Variants in PGBD2 observed in about 807,000 individuals in gnomAD.
PGBD2 encodes piggyBac transposable element-derived protein 2.
A neutral mutation model predicts 8.1 loss-of-function variants in PGBD2; 6 were observed. The observed-to-expected ratio is 0.74, with a 90% CI of 0.40 to 1.46. The LOEUF (loss-of-function observed/expected upper bound fraction) is 1.46. Ranked by LOEUF, PGBD2 falls within the 40% of genes most tolerant of loss-of-function variation. The pLI is 0.02. For missense variants in PGBD2, 802 were observed against 739.0 expected, an observed-to-expected ratio of 1.09 and a Z score of -0.99; for synonymous variants, 318 against 272.2, an observed-to-expected ratio of 1.17 and a Z score of -1.66.
chr1:248,899,613 G>T, the PGBD2 span, among the ~76,000 whole-genome samples: 1 of 151,966 alleles, frequency 6.6e-6, no homozygotes, highest in African/African-American at 2.4e-5. Flanking sequence ...AAAATTTATA[G>T]TACTAAATGC....
At chr1:248,881,294 G>C in the PGBD2 span, among the ~76,000 whole-genome samples, 1 of 152,202 alleles carries the variant, frequency 6.6e-6, no homozygotes, top group African/African-American at 2.4e-5. Context: ...AGCTGGACTT[G>C]TCCAAGTCAT....
At chr1:248,925,589 G>A in the PGBD2 span, among the ~76,000 whole-genome samples, 2 of 137,804 alleles carry the variant, frequency 1.5e-5, no homozygotes, top group African/African-American at 5.8e-5. Context: ...TTTTTTTTTG[G>A]CGAGATTCGT....
At chr1:248,896,940 G>C in the PGBD2 span, among the ~76,000 whole-genome samples, 1 of 152,168 alleles carries the variant, frequency 6.6e-6, no homozygotes, top group Admixed American at 6.5e-5. Context: ...CCATAGATCA[G>C]GATGTAAAAA....
chr1:248,873,655 C>G, the PGBD2 span, among the ~76,000 whole-genome samples: 1 of 152,210 alleles, frequency 6.6e-6, no homozygotes, highest in Non-Finnish European at 1.5e-5. Context: ...GCTTCGATTC[C>G]CGGCCTGGGA....
At chr1:248,914,081 A>G (rs761118613) in intron 2 of PGBD2, among the ~76,000 whole-genome samples, 4 of 152,196 alleles carry the variant, frequency 2.6e-5, no homozygotes, top group Non-Finnish European at 4.4e-5. Flanking sequence ...GGGTGTGGTT[A>G]TGTAGCACTA....
the PGBD2 span, among the ~76,000 whole-genome samples, chr1:248,897,585 A>G: frequency 4.6e-5 from 7 of 152,170 alleles, no homozygotes; most frequent in South Asian, 1.0e-3. Context: ...AGCTGTGCAG[A>G]CCTGGTGGCC....
chr1:248,873,482 GGCAA>G, the PGBD2 span, among the ~76,000 whole-genome samples: 1 of 152,222 alleles, frequency 6.6e-6, no homozygotes, highest in Non-Finnish European at 1.5e-5. Context: ...GTCACTTAGT[GGCAA>G]GCGTTTTTCC....
chr1:248,912,532 C>T (rs1345802941), intron 1 of PGBD2, among the ~76,000 whole-genome samples: 1 of 152,212 alleles, frequency 6.6e-6, no homozygotes, highest in Non-Finnish European at 1.5e-5. Context: ...GTACTCTGCA[C>T]TTAAGTGCTC....
rs1170775276 is a variant in PGBD2 at position 248,913,835 on chromosome 1, A to T, written c.-28A>T. ...TTACAGGTTCTTAGACTCTGTGAGT[A>T]AAGACAGCTTCATCTTCCCAGTTCA... On this transcript the variant is annotated 5_prime_UTR_variant, in exon 2 of 3. Coordinates refer to ENST00000329291, the MANE Select transcript of PGBD2 (RefSeq NM_170725.3). The T allele has an allele frequency of 6.3e-7, 1 of 1,596,644 alleles. No individual in the cohort carries two copies. Among genetic ancestry groups the T allele is most frequent in the Admixed American group, 1.7e-5 (1 of 59,972 alleles).
intron 1 of PGBD2, among the ~76,000 whole-genome samples, chr1:248,913,030 G>A (rs1322144024): frequency 6.6e-6 from 1 of 152,008 alleles, no homozygotes; most frequent in Non-Finnish European, 1.5e-5. Flanking sequence ...TCGAACTCCC[G>A]ACCTCAGGTG....
At chr1:248,890,371 G>T in the PGBD2 span, among the ~76,000 whole-genome samples, 1 of 151,972 alleles carries the variant, frequency 6.6e-6, no homozygotes, top group African/African-American at 2.4e-5. Context: ...ATTCTTACAG[G>T]TACTATTATT....
intron 2 of PGBD2, among the ~76,000 whole-genome samples, chr1:248,915,433 A>T (rs1457408989): frequency 6.6e-6 from 1 of 152,260 alleles, no homozygotes; most frequent in Non-Finnish European, 1.5e-5. Flanking sequence ...ATACTTAATT[A>T]TAAAATAGGC....
downstream of PGBD2, among the ~76,000 whole-genome samples, chr1:248,921,343 T>C (rs1572284679): frequency 6.6e-6 from 1 of 152,334 alleles, no homozygotes; most frequent in East Asian, 1.9e-4. Flanking sequence ...GGGTCCAGTT[T>C]CAGTTTTCTG....
chr1:248,898,647 C>G, the PGBD2 span, among the ~76,000 whole-genome samples: 1 of 152,168 alleles, frequency 6.6e-6, no homozygotes, highest in Non-Finnish European at 1.5e-5. Context: ...CCAGCCACTA[C>G]AAAAACACAC....
the PGBD2 span, among the ~76,000 whole-genome samples, chr1:248,890,310 T>C: frequency 4.5e-4 from 68 of 152,258 alleles, no homozygotes; most frequent in African/African-American, 1.5e-3. Context: ...TTTTCTGAAA[T>C]AAACCTGTCT....
intron 2 of PGBD2, chr1:248,914,479 A>G (rs1252034804): frequency 2.3e-6 from 3 of 1,288,290 alleles, no homozygotes; most frequent in East Asian, 5.5e-5. Context: ...GGAGGTCAGC[A>G]TGGCAGCTGA....
intron 1 of PGBD2, among the ~76,000 whole-genome samples, chr1:248,908,451 C>G (rs181313613): frequency 6.6e-6 from 1 of 152,080 alleles, no homozygotes; most frequent in Non-Finnish European, 1.5e-5. Flanking sequence ...GAGGCTTCCC[C>G]GATCAGCTTT....
At chr1:248,927,365 A>G in the PGBD2 span, among the ~76,000 whole-genome samples, 1 of 152,314 alleles carries the variant, frequency 6.6e-6, no homozygotes, top group Admixed American at 6.5e-5. Context: ...ATGATGCTGG[A>G]TATAGAAGCA....
chr1:248,897,841 T>C, the PGBD2 span, among the ~76,000 whole-genome samples: 1 of 152,134 alleles, frequency 6.6e-6, no homozygotes, highest in South Asian at 2.1e-4. Context: ...ACCGAGTTCC[T>C]GGGGAAAGGG....
Sources: allele counts gnomAD v4.1 joint callset (sites outside exome capture counted in the v4.1 genomes callset), GRCh38; gene constraint gnomAD v4.1.1; transcripts MANE v1.5; gene names NCBI Gene and HGNC (gene_info 2026-07-23, HGNC 2026-07-21).